Variants in KSR2 observed in about 807,000 individuals in gnomAD.
KSR2 encodes the protein kinase suppressor of ras 2.
In KSR2, 25 loss-of-function variants were observed where a neutral mutation model predicts 107.8. That is an observed-to-expected ratio of 0.23 (90% CI 0.17 to 0.32). KSR2 has a LOEUF of 0.32. Among genes scored for constraint, KSR2 ranks in the 10% least tolerant of loss-of-function variants. The pLI, the probability that KSR2 is intolerant of heterozygous loss-of-function variation, is 1.00. For missense variants in KSR2, 887 were observed against 1,268.9 expected, an observed-to-expected ratio of 0.70 and a Z score of 4.57; for synonymous variants, 480 against 507.0, an observed-to-expected ratio of 0.95 and a Z score of 0.71.
At chr12:117,876,376 C>T (rs1028239696) in intron 1 of KSR2, among the ~76,000 whole-genome samples, 16 of 152,200 alleles carry the variant, frequency 1.1e-4, no homozygotes, top group Admixed American at 2.6e-4. Flanking sequence ...AGAACCGGAT[C>T]CCTGAGGCCA....
chr12:117,946,358 G>GA (rs1160723458), intron 1 of KSR2, among the ~76,000 whole-genome samples: 1 of 151,694 alleles, frequency 6.6e-6, no homozygotes, highest in African/African-American at 2.4e-5. Flanking sequence ...AAAAAAGAGA[G>GA]AAAAAAACAC....
At chr12:117,600,111 A>C (rs1880855926) in intron 5 of KSR2, among the ~76,000 whole-genome samples, 2 of 152,196 alleles carry the variant, frequency 1.3e-5, no homozygotes, top group Admixed American at 6.5e-5. Flanking sequence ...ACCTAAGGAC[A>C]AAATGGCCAA....
At chr12:117,659,971 G>C (rs1884357899) in intron 5 of KSR2, among the ~76,000 whole-genome samples, 1 of 152,212 alleles carries the variant, frequency 6.6e-6, no homozygotes, top group African/African-American at 2.4e-5. Context: ...AGCCACACCT[G>C]CTGGGGCTGG....
chr12:117,950,631 C>T (rs914978298), intron 1 of KSR2, among the ~76,000 whole-genome samples: 1 of 151,278 alleles, frequency 6.6e-6, no homozygotes, highest in African/African-American at 2.4e-5. Context: ...GTCCCAGCTA[C>T]TTGGAAGGCT....
chr12:117,600,560 A>C (rs1880883112), intron 5 of KSR2, among the ~76,000 whole-genome samples: 1 of 152,210 alleles, frequency 6.6e-6, no homozygotes, highest in Non-Finnish European at 1.5e-5. Flanking sequence ...TACAAAACAA[A>C]GGCAGGATTG....
At chr12:117,841,097 C>T (rs1031818700) in intron 3 of KSR2, among the ~76,000 whole-genome samples, 8 of 151,882 alleles carry the variant, frequency 5.3e-5, no homozygotes, top group African/African-American at 1.7e-4. Context: ...AGCTTGGGTA[C>T]TTCTCACACG....
At chr12:117,522,284 G>A (rs745753903) in intron 14 of KSR2, among the ~76,000 whole-genome samples, 3 of 152,144 alleles carry the variant, frequency 2.0e-5, no homozygotes, top group Non-Finnish European at 4.4e-5. Flanking sequence ...TTGAGAAGGG[G>A]GTGAGGGAGG....
At chr12:117,892,780 C>T (rs1431014917) in intron 1 of KSR2, among the ~76,000 whole-genome samples, 2 of 98,870 alleles carry the variant, frequency 2.0e-5, no homozygotes, top group Non-Finnish European at 3.6e-5. Context: ...GACATCTGTG[C>T]TATGTGCAAA....
intron 14 of KSR2, among the ~76,000 whole-genome samples, chr12:117,493,645 T>G (rs1367556270): frequency 3.9e-5 from 6 of 152,182 alleles, no homozygotes; most frequent in Admixed American, 3.9e-4. Flanking sequence ...CTGGAGCCTA[T>G]GATGACGAAC....
At chr12:117,725,844 G>A (rs1041514021) in intron 4 of KSR2, among the ~76,000 whole-genome samples, 6 of 152,142 alleles carry the variant, frequency 3.9e-5, no homozygotes, top group Non-Finnish European at 8.8e-5. Flanking sequence ...CGACTCAAGA[G>A]GGGGAGGCAC....
At chr12:117,544,541 C>A (rs2137299370) in intron 9 of KSR2, among the ~76,000 whole-genome samples, 1 of 151,974 alleles carries the variant, frequency 6.6e-6, no homozygotes, top group South Asian at 2.1e-4. Context: ...ATCACTTGAA[C>A]CTGGGAGGCA....
intron 1 of KSR2, among the ~76,000 whole-genome samples, chr12:117,894,397 G>A (rs1453975006): frequency 6.6e-6 from 1 of 152,104 alleles, no homozygotes; most frequent in Non-Finnish European, 1.5e-5. Flanking sequence ...GGGCACAGTG[G>A]TTCATCCCTG....
At chr12:117,963,695 G>T (rs1046728241) in intron 1 of KSR2, among the ~76,000 whole-genome samples, 2 of 152,182 alleles carry the variant, frequency 1.3e-5, no homozygotes, top group Non-Finnish European at 1.5e-5. Context: ...GGGATGAAAC[G>T]TTGTTGGTCT....
chr12:117,854,277 G>T (rs931824055), intron 3 of KSR2, among the ~76,000 whole-genome samples: 1 of 152,230 alleles, frequency 6.6e-6, no homozygotes, highest in Non-Finnish European at 1.5e-5. Context: ...AAAGTGCTGG[G>T]ATTACAGGCG....
Position 117,947,191 on chromosome 12 carries a change from GAAAGA to G in KSR2, c.180+20880_180+20884del, listed in dbSNP as rs768679054. On this transcript the variant is annotated intron_variant, in intron 1 of 19. Coordinates refer to ENST00000339824, the MANE Select transcript of KSR2 (RefSeq NM_173598.6). Reference sequence around the variant, plus strand: ...AAAAGAAAGAAAGAAAGAAAGAAAAGAAAGAAAAGAAAGAAAAGAAAGAAAGAAAG... The same window carrying G: ...AAAAGAAAGAAAGAAAGAAAGAAAAGAAAGAAAGAAAAGAAAGAAAGAAAG... Among the ~76,000 whole-genome samples, 70 of 107,536 alleles carry G rather than the reference GAAAGA, an allele frequency of 6.5e-4. 2 individuals carry two copies. Among genetic ancestry groups the G allele is most frequent in the South Asian group, 4.8e-3 (15 of 3,120 alleles). The allele number at this position is 107,536 out of a possible 152,430, so 70.5% of individuals were successfully genotyped here.
chr12:117,685,597 C>T (rs950328242), intron 4 of KSR2, among the ~76,000 whole-genome samples: 1 of 152,254 alleles, frequency 6.6e-6, no homozygotes, highest in Non-Finnish European at 1.5e-5. Context: ...CCTGGCCTCC[C>T]TCTGGGGCCA....
At chr12:117,680,176 C>G (rs1242884282) in intron 4 of KSR2, among the ~76,000 whole-genome samples, 2 of 152,176 alleles carry the variant, frequency 1.3e-5, no homozygotes, top group African/African-American at 4.8e-5. Context: ...TTCCTGTTCA[C>G]TCCTCTCCCC....
At chr12:117,687,327 G>A (rs1345853970) in intron 4 of KSR2, among the ~76,000 whole-genome samples, 1 of 152,122 alleles carries the variant, frequency 6.6e-6, no homozygotes, top group African/African-American at 2.4e-5. Context: ...TTCAGTCGTG[G>A]CTCTCCTACT....
At chr12:117,947,771 C>T (rs930551866) in intron 1 of KSR2, among the ~76,000 whole-genome samples, 4 of 151,908 alleles carry the variant, frequency 2.6e-5, no homozygotes, top group African/African-American at 7.2e-5. Flanking sequence ...AATACATTTA[C>T]ATAGATCCAA....
Sources: allele counts gnomAD v4.1 joint callset (sites outside exome capture counted in the v4.1 genomes callset), GRCh38; gene constraint gnomAD v4.1.1; transcripts MANE v1.5; gene names NCBI Gene and HGNC (gene_info 2026-07-23, HGNC 2026-07-21).